Variants in AUTS2 observed in about 807,000 individuals in gnomAD.
AUTS2 encodes activator of transcription and developmental regulator AUTS2, also known as autism susceptibility gene 2 protein.
A neutral mutation model predicts 112.4 loss-of-function variants in AUTS2; 17 were observed. That is an observed-to-expected ratio of 0.15 (90% CI 0.10 to 0.23). The LOEUF is 0.23. Among genes scored for constraint, AUTS2 ranks in the 10% least tolerant of loss-of-function variants. AUTS2 has a pLI of 1.00. For synonymous variants in AUTS2, 751 were observed against 702.7 expected (o/e 1.07, Z -1.09); for missense variants, 1,510 against 1,701.6 (o/e 0.89, Z 1.98).
intron 5 of AUTS2, among the ~76,000 whole-genome samples, chr7:70,581,641 T>G (rs1802452455): frequency 6.6e-6 from 1 of 151,780 alleles, no homozygotes; most frequent in Admixed American, 6.6e-5. Flanking sequence ...CCCACCACAG[T>G]ACTCTCACCC....
Position 70,785,100 on chromosome 7 carries a change from C to T in AUTS2, c.2224+81C>T, listed in dbSNP as rs1309799846. On this transcript the variant is annotated intron_variant, in intron 16 of 18. Coordinates refer to ENST00000342771, the MANE Select transcript of AUTS2 (RefSeq NM_015570.4). Reference sequence around the variant, plus strand: ...GTTTACCATGCTCCCGCTGCACCTCCGGGCAAGCTGGTGGGAGTCCCAGAT... The same window carrying T: ...GTTTACCATGCTCCCGCTGCACCTCTGGGCAAGCTGGTGGGAGTCCCAGAT... 19 of 1,467,132 alleles carry T rather than the reference C, an allele frequency of 1.3e-5. 1 individual carries two copies. The highest frequency in any genetic ancestry group is 1.7e-5 in the Admixed American group (1 of 58,548). The allele number at this position is 1,467,132 out of a possible 1,614,324, so 90.9% of individuals were successfully genotyped here. A position where few individuals can be genotyped will look rare whatever the true frequency, so the allele number is the denominator to read the frequency against.
At chr7:70,685,327 G>T (rs529174849) in intron 5 of AUTS2, among the ~76,000 whole-genome samples, 2 of 151,926 alleles carry the variant, frequency 1.3e-5, no homozygotes, top group Admixed American at 6.6e-5. Context: ...ACAAAAATTA[G>T]CCAGGCATGG....
intron 4 of AUTS2, among the ~76,000 whole-genome samples, chr7:70,425,574 C>G: frequency 6.6e-6 from 1 of 152,186 alleles, no homozygotes; most frequent in South Asian, 2.1e-4. Flanking sequence ...ATCCATAAAT[C>G]ATCAAATTGT....
chr7:69,865,116 T>C (rs1015777822), intron 1 of AUTS2, among the ~76,000 whole-genome samples: 1 of 152,010 alleles, frequency 6.6e-6, no homozygotes, highest in African/African-American at 2.4e-5. Context: ...TTTTTTTTTT[T>C]TTTAAGGGCG....
intron 2 of AUTS2, among the ~76,000 whole-genome samples, chr7:70,028,000 C>G (rs1405378127): frequency 1.3e-5 from 2 of 152,136 alleles, no homozygotes; most frequent in Admixed American, 6.6e-5. Context: ...GTGGCTTGAT[C>G]TTGATGAGGT....
intron 4 of AUTS2, among the ~76,000 whole-genome samples, chr7:70,182,094 G>A (rs1358430437): frequency 2.6e-5 from 4 of 152,130 alleles, no homozygotes; most frequent in South Asian, 2.1e-4. Context: ...GAGCCACCAC[G>A]CCCAGCTGAG....
chr7:69,987,207 A>C (rs1798547325), intron 2 of AUTS2, among the ~76,000 whole-genome samples: 1 of 152,190 alleles, frequency 6.6e-6, no homozygotes, highest in African/African-American at 2.4e-5. Context: ...ATCGTAGGAC[A>C]TTGGATCCAT....
chr7:69,886,977 C>G (rs1794307060), intron 1 of AUTS2, among the ~76,000 whole-genome samples: 1 of 152,184 alleles, frequency 6.6e-6, no homozygotes, highest in Admixed American at 6.5e-5. Context: ...GGGTCTCACT[C>G]TGTTGCCCAG....
In AUTS2 at chr7:70,537,319, T is replaced by C. The variant is rs369541117; in HGVS notation, c.690+101538T>C. The stretch of plus-strand genomic sequence containing the variant: ...TCCATCCACTCCCAGTACTACAACA[T>C]TGGATTTTTGTTGCTGTTAAATCAA... On this transcript the variant is annotated intron_variant, in intron 5 of 18. Coordinates refer to ENST00000342771, the MANE Select transcript of AUTS2 (RefSeq NM_015570.4). Among the ~76,000 whole-genome samples, 16 of 152,216 alleles carry C rather than the reference T, an allele frequency of 1.1e-4. 1 individual carries two copies. The highest frequency in any genetic ancestry group is 2.2e-4 in the Non-Finnish European group (15 of 68,038).
At chr7:69,603,721 T>C (rs1390338480) in intron 1 of AUTS2, among the ~76,000 whole-genome samples, 2 of 152,138 alleles carry the variant, frequency 1.3e-5, no homozygotes, top group African/African-American at 2.4e-5. Context: ...TGGTATATAG[T>C]ATATTGTTTG....
intron 4 of AUTS2, among the ~76,000 whole-genome samples, chr7:70,430,785 A>G (rs1475808906): frequency 6.6e-6 from 1 of 151,506 alleles, no homozygotes; most frequent in Non-Finnish European, 1.5e-5. Context: ...GGAATTTTTT[A>G]ATTAGATTAT....
At chr7:70,062,067 C>T (rs1008823122) in intron 2 of AUTS2, among the ~76,000 whole-genome samples, 17 of 151,870 alleles carry the variant, frequency 1.1e-4, no homozygotes, top group African/African-American at 1.7e-4. Context: ...GGATTACAGG[C>T]GTGAGCCACT....
chr7:69,606,643 A>G (rs1190108182), intron 1 of AUTS2, among the ~76,000 whole-genome samples: 1 of 152,212 alleles, frequency 6.6e-6, no homozygotes, highest in Non-Finnish European at 1.5e-5. Flanking sequence ...GATGTAGGAT[A>G]AAGAACCTAG....
intron 2 of AUTS2, among the ~76,000 whole-genome samples, chr7:70,091,260 T>A (rs1242734753): frequency 6.6e-6 from 1 of 152,206 alleles, no homozygotes; most frequent in Non-Finnish European, 1.5e-5. Flanking sequence ...CTTTTATCAC[T>A]AGTATTGAGC....
At chr7:70,522,847 C>T (rs1336854470) in intron 5 of AUTS2, among the ~76,000 whole-genome samples, 1 of 152,166 alleles carries the variant, frequency 6.6e-6, no homozygotes, top group Non-Finnish European at 1.5e-5. Flanking sequence ...GATCAAATGG[C>T]AGTTCTAAGT....
At chr7:69,669,434 T>A (rs969164187) in intron 1 of AUTS2, among the ~76,000 whole-genome samples, 2 of 152,170 alleles carry the variant, frequency 1.3e-5, no homozygotes, top group Admixed American at 6.5e-5. Context: ...ACATGAGGTT[T>A]CAGGATTCTA....
chr7:69,720,224 A>G (rs1263511303), intron 1 of AUTS2, among the ~76,000 whole-genome samples: 1 of 152,236 alleles, frequency 6.6e-6, no homozygotes, highest in Non-Finnish European at 1.5e-5. Flanking sequence ...GTTGTTAACA[A>G]AACTTTCTGG....
At chr7:70,555,775 T>C (rs1408427338) in intron 5 of AUTS2, among the ~76,000 whole-genome samples, 2 of 151,624 alleles carry the variant, frequency 1.3e-5, no homozygotes, top group Non-Finnish European at 2.9e-5. Flanking sequence ...GGCACTGGTA[T>C]CTGCTTGGCT....
At chr7:70,430,762 T>G (rs1795623562) in intron 4 of AUTS2, among the ~76,000 whole-genome samples, 1 of 150,438 alleles carries the variant, frequency 6.6e-6, no homozygotes, top group Admixed American at 6.6e-5. Context: ...ACAATCTAAA[T>G]AACCAGCACT....
Sources: gnomAD v4.1 joint callset for allele counts (sites outside exome capture counted in the v4.1 genomes callset) on GRCh38, gnomAD v4.1.1 for gene constraint, MANE v1.5 for transcripts, NCBI Gene and HGNC (gene_info 2026-07-23, HGNC 2026-07-21) for gene names.